Variants in CUL9 observed in about 807,000 individuals in gnomAD.
CUL9 encodes the protein cullin-9.
CUL9 carries 79 observed loss-of-function variants against 272.6 expected under a neutral mutation model. That is an observed-to-expected ratio of 0.29 (90% CI 0.24 to 0.35). The LOEUF (loss-of-function observed/expected upper bound fraction) is 0.35. Among genes scored for constraint, CUL9 ranks in the 10% least tolerant of loss-of-function variants. CUL9 has a pLI of 1.00. For synonymous variants in CUL9, 1,186 were observed against 1,286.5 expected, an observed-to-expected ratio of 0.92 and a Z score of 1.67; for missense variants, 2,532 against 3,255.6, an observed-to-expected ratio of 0.78 and a Z score of 5.41.
chr6:43,187,836 T>C lies in CUL9; in HGVS notation c.1705T>C (p.Tyr569His). The stretch of plus-strand genomic sequence containing the variant: ...CAATGACCTGCTCAACTCCCAGATC[T>C]ACACCAAGTATGGGCTGCTGTCTAA... ...TLNDLLNSQI[Y>H]TKYGLLSNEP... The change falls in exon 7 of 41, where the codon TAC (tyrosine) becomes CAC (histidine). Residue 569 changes from tyrosine to histidine, a missense_variant. By Grantham distance (83) the Tyr-to-His change is moderately conservative. Coordinates refer to ENST00000252050, the MANE Select transcript of CUL9 (RefSeq NM_015089.4). 1.2e-6 allele frequency: 2 copies of C among 1,614,058 alleles called. No individual in the cohort carries two copies. Among genetic ancestry groups the C allele is most frequent in the Middle Eastern group, 1.6e-4 (1 of 6,062 alleles).
At position 43,223,194 on chromosome 6, in the gene CUL9, G is replaced by C; in HGVS notation, c.7151-70G>C. On this transcript the variant is annotated intron_variant, in intron 38 of 40. Coordinates refer to ENST00000252050, the MANE Select transcript of CUL9 (RefSeq NM_015089.4). The surrounding 1 kb of genome is among the most constrained non-coding windows in gnomAD (Gnocchi z 4.1). ...CCTGGTGCTTGGTAGACGTTCCATA[G>C]GTGTTTGTTGGAGGAAGGAATGGAT... The C allele has an allele frequency of 9.2e-6, 14 of 1,517,976 alleles. No homozygotes were observed. The highest frequency in any genetic ancestry group is 1.2e-5 in the Non-Finnish European group (14 of 1,124,288). The allele number at this position is 1,517,976 out of a possible 1,614,324, so 94.0% of individuals were successfully genotyped here. A position where few individuals can be genotyped will look rare whatever the true frequency, so the allele number is the denominator to read the frequency against.
At chr6:43,182,725 C>T (rs1772520199) in intron 1 of CUL9, among the ~76,000 whole-genome samples, 2 of 152,026 alleles carry the variant, frequency 1.3e-5, no homozygotes, top group South Asian at 2.1e-4. Context: ...CCCTCCTCTT[C>T]ACCTCTACTC....
chr6:43,217,668 C>T (rs1776037244), intron 31 of CUL9, among the ~76,000 whole-genome samples: 1 of 152,208 alleles, frequency 6.6e-6, no homozygotes, highest in African/African-American at 2.4e-5. Context: ...CTCTTTTTCT[C>T]TTTCCCTTTG....
intron 7 of CUL9, 47 bp from the exon 8 acceptor site, chr6:43,188,476 A>G (rs1773125661): frequency 1.3e-6 from 2 of 1,519,974 alleles, no homozygotes; most frequent in South Asian, 2.6e-5. Context: ...TTCTAACTTC[A>G]AGGTGCCACA....
Position 43,224,227 on chromosome 6 carries a change from C to T in CUL9, c.7359-23C>T. 6.2e-7 allele frequency: 1 copy of T among 1,614,140 alleles called. No homozygotes were observed. The highest frequency in any genetic ancestry group is 8.5e-7 in the Non-Finnish European group (1 of 1,179,982). ...GTGGGACATGGCAGCCTCCTCTGGG[C>T]TGAGTGTGGTGGCTCTCCCTAGGCC... is the stretch of plus-strand genomic sequence containing the variant. On this transcript the variant is annotated intron_variant, in intron 40 of 40. Coordinates refer to ENST00000252050, the MANE Select transcript of CUL9 (RefSeq NM_015089.4). This position sits in a 1 kb window ranked among gnomAD's most constrained non-coding sequence, Gnocchi z 4.2.
chr6:43,187,659 C>A (rs533486505), intron 6 of CUL9, 54 bp from the exon 7 acceptor site: 2 of 1,571,118 alleles, frequency 1.3e-6, no homozygotes, highest in Non-Finnish European at 8.7e-7. Context: ...CATTACTGAC[C>A]CCAAGACCTT....
At position 43,222,781 on chromosome 6, in the gene CUL9, G is replaced by T; in HGVS notation, c.7035G>T (p.Val2345=). ...AGAGCTGATGGGAGCCCCTGCAGGT[G>T]CTGGCCTACGCCTGCGTGTACAGCT... The part of the protein sequence containing the change: ...ACQGLEQARK[V]LAYACVYSFY... Residue 2345 remains valine, a splice_region_variant and synonymous_variant, in exon 38 of 41, where the codon GTG becomes GTT. Transcript: ENST00000252050. 5 of 1,613,854 alleles carry T rather than the reference G, an allele frequency of 3.1e-6. No homozygotes were observed. Among genetic ancestry groups the T allele is most frequent in the Non-Finnish European group, 4.2e-6 (5 of 1,179,866 alleles).
chr6:43,222,167 A>T, intron 35 of CUL9, 149 bp from the exon 36 acceptor site: 2 of 695,806 alleles, frequency 2.9e-6, no homozygotes, highest in Non-Finnish European at 5.1e-6. Context: ...GGGGTGAATA[A>T]TATGACCTAC....
At position 43,206,063 on chromosome 6, in the gene CUL9, T is replaced by C. The variant is rs752322409; in HGVS notation, c.4850T>C (p.Val1617Ala). ...GGTTCGAGCTGGCTGGAGGGGGCTG[T>C]GCTAGAGCAGATTGGCCTCTGTTTT... ...SFGSSWLEGA[V>A]LEQIGLCFPN... Residue 1617 changes from valine (V) to alanine (A), a missense_variant, in exon 25 of 41, where the codon GTG (valine) becomes GCG (alanine). This residue lies in a region of CUL9 where 2,218 missense variants were observed against 2,788.6 expected (regional missense o/e 0.80). Coordinates refer to ENST00000252050, the MANE Select transcript of CUL9 (RefSeq NM_015089.4). The surrounding 1 kb of genome is among the most constrained non-coding windows in gnomAD (Gnocchi z 4.8). 1 of 1,614,036 alleles carries C rather than the reference T, an allele frequency of 6.2e-7. No individual in the cohort carries two copies. The highest frequency in any genetic ancestry group is 1.3e-5 in the African/African-American group (1 of 74,898).
chr6:43,202,742 A>G lies in CUL9; in HGVS notation c.3674A>G (p.Glu1225Gly). ...VRQLTLLVAS[E>G]DSSYMPARVV... Reference sequence around the variant, plus strand: ...CAGCTCACTTTGCTGGTGGCCAGTGAGGACTCAAGCTACATGCCAGCCAGG... The same window carrying G: ...CAGCTCACTTTGCTGGTGGCCAGTGGGGACTCAAGCTACATGCCAGCCAGG... Residue 1225 changes from glutamate (E) to glycine (G), a missense_variant, in exon 17 of 41, where the codon GAG (glutamate) becomes GGG (glycine). By Grantham distance (98) the Glu-to-Gly change is moderately conservative (BLOSUM62 -2). Around this residue, in one of 3 missense-constraint regions of CUL9, gnomAD observed 2,218 missense variants for 2,788.6 expected, o/e 0.80. Coordinates refer to ENST00000252050, the MANE Select transcript of CUL9 (RefSeq NM_015089.4). The G allele has an allele frequency of 6.2e-7, 1 of 1,614,132 alleles. No homozygotes were observed. The highest frequency in any genetic ancestry group is 1.1e-5 in the South Asian group (1 of 91,088).
chr6:43,196,604 A>G (rs1474909109), intron 10 of CUL9, 41 bp from the exon 11 acceptor site: 6 of 1,529,792 alleles, frequency 3.9e-6, no homozygotes, highest in Admixed American at 3.3e-5. Context: ...CATTGCATTC[A>G]TGGTCTCTCA....
chr6:43,191,303 T>G (rs1773461792), intron 8 of CUL9, among the ~76,000 whole-genome samples: 5 of 145,170 alleles, frequency 3.4e-5, no homozygotes, highest in African/African-American at 1.1e-4. Context: ...CGTGTTGTTT[T>G]TTTTTTTGTT....
Position 43,216,324 on chromosome 6 carries a change from G to A in CUL9, c.6103G>A (p.Ala2035Thr), listed in dbSNP as rs199715164. The change falls in exon 31 of 41, where the codon GCT becomes ACT. Residue 2035 changes from alanine (A) to threonine (T), a missense_variant. Around this residue, in one of 3 missense-constraint regions of CUL9, gnomAD observed 2,218 missense variants for 2,788.6 expected, o/e 0.80. Coordinates refer to ENST00000252050, the MANE Select transcript of CUL9 (RefSeq NM_015089.4). ...QHLLAHSHWG[A>T]EQLLQSYSED... The stretch of plus-strand genomic sequence containing the variant: ...CCTTTTGGCTCATTCCCACTGGGGC[G>A]CTGAACAGCTGCTGCAGAGCTACAG... 33 of 1,614,140 alleles carry A rather than the reference G, an allele frequency of 2.0e-5. No individual in the cohort carries two copies. The highest frequency in any genetic ancestry group is 6.7e-5 in the African/African-American group (5 of 75,042).
chr6:43,186,281 AG>A lies in CUL9; in HGVS notation c.1080del (p.Trp361GlyfsTer134). On this transcript the variant is annotated frameshift_variant, in exon 4 of 41. Coordinates refer to ENST00000252050, the MANE Select transcript of CUL9 (RefSeq NM_015089.4). LOFTEE classifies it high-confidence loss of function. ...PTIVTTPRRQ[G>X]WVFRQRSEFS... is the part of the protein sequence containing the mutation. Reference sequence around the variant, plus strand: ...CCATTGTCACCACCCCCAGAAGACAAGGGTGGGTCTTCCGCCAGCGCTCTGA... The same window carrying A: ...CCATTGTCACCACCCCCAGAAGACAAGGTGGGTCTTCCGCCAGCGCTCTGA... 6.2e-7 allele frequency: 1 copy of A among 1,614,230 alleles called. No homozygotes were observed. The highest frequency in any genetic ancestry group is 8.5e-7 in the Non-Finnish European group (1 of 1,180,044).
At position 43,221,367 on chromosome 6, in the gene CUL9, AG is replaced by A. The variant is rs764081496; in HGVS notation, c.6752+48del. ...GGGAGCCAGAGGGCAAGGAGGGGGG[AG>A]GAGGCCTGGCAGAAGGAGGGGGGAA... is the stretch of plus-strand genomic sequence containing the variant. On this transcript the variant is annotated intron_variant, in intron 34 of 40. Transcript: ENST00000252050. This position sits in a 1 kb window ranked among gnomAD's most constrained non-coding sequence, Gnocchi z 4.2. 32 of 886,624 alleles carry A rather than the reference AG, an allele frequency of 3.6e-5. No homozygotes were observed. The highest frequency in any genetic ancestry group is 5.3e-5 in the Non-Finnish European group (32 of 601,100). 54.9% of individuals were successfully genotyped at this position (886,624 alleles called of 1,614,324 possible).
chr6:43,196,567 G>A (rs969288631), intron 10 of CUL9, 78 bp from the exon 11 acceptor site: 19 of 1,304,794 alleles, frequency 1.5e-5, no homozygotes, highest in African/African-American at 1.2e-4. Context: ...CTAGCTGCCC[G>A]GCCTTCTATG....
chr6:43,190,068 C>T (rs1773310144), intron 8 of CUL9, among the ~76,000 whole-genome samples: 1 of 151,734 alleles, frequency 6.6e-6, no homozygotes, highest in African/African-American at 2.4e-5. Flanking sequence ...CCATATCAGT[C>T]TGGGTGGAGC....
chr6:43,186,890 CCTT>C (rs1469020813), intron 4 of CUL9, 67 bp from the exon 5 acceptor site: 80 of 1,567,138 alleles, frequency 5.1e-5, no homozygotes, highest in Non-Finnish European at 5.9e-5. Context: ...TCCTTTCAAG[CCTT>C]CACAGGCCAA....
intron 31 of CUL9, among the ~76,000 whole-genome samples, chr6:43,217,483 G>A (rs1270002003): frequency 2.0e-5 from 3 of 152,192 alleles, no homozygotes; most frequent in Non-Finnish European, 2.9e-5. Flanking sequence ...CACTGAGTCC[G>A]ATATTCCTGC....
Sources: allele counts gnomAD v4.1 joint callset (sites outside exome capture counted in the v4.1 genomes callset), GRCh38; gene constraint gnomAD v4.1.1; regional missense constraint gnomAD v4.1.1; non-coding constraint Gnocchi (gnomAD v3.1); transcripts MANE v1.5; gene names NCBI Gene and HGNC (gene_info 2026-07-23, HGNC 2026-07-21).